Variants in NAV3 observed in about 807,000 individuals in gnomAD.
NAV3 encodes neuron navigator 3, also known as pore membrane and/or filament interacting like protein 1.
Under a neutral mutation model 244.7 loss-of-function variants are expected in NAV3, and 87 were observed. The ratio of observed to expected loss-of-function variants is 0.36; its 90% CI spans 0.30 to 0.42. The LOEUF (loss-of-function observed/expected upper bound fraction) is 0.42. Among genes scored for constraint, NAV3 ranks in the 20% least tolerant of loss-of-function variants. NAV3 has a pLI of 1.00. For synonymous variants in NAV3, 1,126 were observed against 1,042.2 expected (o/e 1.08, Z -1.55); for missense variants, 2,663 against 2,893.3 (o/e 0.92, Z 1.83).
chr12:78,174,119 A>G (rs1050825106), intron 24 of NAV3, among the ~76,000 whole-genome samples: 9 of 151,760 alleles, frequency 5.9e-5, no homozygotes, highest in African/African-American at 2.2e-4. Context: ...CTTGATGCCA[A>G]TAAGTATATT....
chr12:77,640,676 A>T (rs1027873663), intron 2 of NAV3, among the ~76,000 whole-genome samples: 1 of 152,164 alleles, frequency 6.6e-6, no homozygotes, highest in Non-Finnish European at 1.5e-5. Context: ...AAATTTGCTG[A>T]GAAAGTAGAT....
intron 2 of NAV3, among the ~76,000 whole-genome samples, chr12:77,661,942 A>G (rs922303449): frequency 2.0e-5 from 3 of 152,090 alleles, no homozygotes; most frequent in Non-Finnish European, 2.9e-5. Flanking sequence ...AAAATTGCAC[A>G]TTGTTACTTG....
At chr12:77,986,179 T>C (rs565715525) in intron 5 of NAV3, among the ~76,000 whole-genome samples, 39 of 152,226 alleles carry the variant, frequency 2.6e-4, no homozygotes, top group African/African-American at 9.1e-4. Flanking sequence ...CTAGCCAACA[T>C]GGTAAAACCC....
chr12:78,163,080 A>G (rs1410696202), intron 23 of NAV3, among the ~76,000 whole-genome samples: 1 of 151,014 alleles, frequency 6.6e-6, no homozygotes, highest in African/African-American at 2.4e-5. Flanking sequence ...CAAAGTAACA[A>G]AGGCCAAGGT....
intron 1 of NAV3, among the ~76,000 whole-genome samples, chr12:77,845,704 A>T (rs945296843): frequency 1.5e-5 from 2 of 136,892 alleles, no homozygotes; most frequent in Non-Finnish European, 3.0e-5. Context: ...CCCAGACTGG[A>T]GTGCAATGTC....
chr12:78,030,996 G>T (rs114857760), intron 9 of NAV3, among the ~76,000 whole-genome samples: 1 of 152,236 alleles, frequency 6.6e-6, no homozygotes, highest in African/African-American at 2.4e-5. Flanking sequence ...CAACACTATT[G>T]TTATTGTTGA....
intron 1 of NAV3, among the ~76,000 whole-genome samples, chr12:77,846,075 G>T (rs983534235): frequency 6.6e-6 from 1 of 152,198 alleles, no homozygotes; most frequent in Non-Finnish European, 1.5e-5. Flanking sequence ...GATGAACGAA[G>T]ATTGGAGAGG....
At chr12:77,714,034 A>T (rs1876244696) in intron 2 of NAV3, among the ~76,000 whole-genome samples, 1 of 152,070 alleles carries the variant, frequency 6.6e-6, no homozygotes, top group Admixed American at 6.6e-5. Context: ...TTTTTTGCAG[A>T]TCTATATATT....
intron 2 of NAV3, among the ~76,000 whole-genome samples, chr12:77,704,704 G>C (rs1270755007): frequency 6.6e-6 from 1 of 151,944 alleles, no homozygotes; most frequent in Non-Finnish European, 1.5e-5. Flanking sequence ...TAAGAGACTG[G>C]GCATTAGTAA....
At chr12:78,067,942 G>A (rs1885216892) in intron 12 of NAV3, among the ~76,000 whole-genome samples, 1 of 151,744 alleles carries the variant, frequency 6.6e-6, no homozygotes, top group Non-Finnish European at 1.5e-5. Context: ...TAAACATATT[G>A]AGAAGAAGAA....
intron 2 of NAV3, among the ~76,000 whole-genome samples, chr12:77,601,821 G>A (rs1870446344): frequency 6.6e-6 from 1 of 151,976 alleles, no homozygotes; most frequent in South Asian, 2.1e-4. Context: ...TAGGGCTTAA[G>A]CAGTATCCAT....
At chr12:78,055,353 A>G (rs1883336350) in intron 11 of NAV3, among the ~76,000 whole-genome samples, 1 of 152,166 alleles carries the variant, frequency 6.6e-6, no homozygotes, top group African/African-American at 2.4e-5. Context: ...TGCATATAAT[A>G]ATATATGTTA....
chr12:77,595,029 A>G (rs559085884), intron 2 of NAV3, among the ~76,000 whole-genome samples: 3 of 152,206 alleles, frequency 2.0e-5, no homozygotes, highest in Non-Finnish European at 4.4e-5. Context: ...TAGAATTATC[A>G]TATGATCTAG....
intron 1 of NAV3, among the ~76,000 whole-genome samples, chr12:77,931,820 T>A (rs1888830446): frequency 6.6e-6 from 1 of 151,984 alleles, no homozygotes; most frequent in Non-Finnish European, 1.5e-5. Flanking sequence ...TGAGCCGAGA[T>A]CGCGCCACTG....
chr12:77,654,429 C>G (rs1872982458), intron 2 of NAV3, among the ~76,000 whole-genome samples: 2 of 152,176 alleles, frequency 1.3e-5, no homozygotes, highest in African/African-American at 4.8e-5. Context: ...CCCAGGCTCT[C>G]TTAGGTAAAC....
chr12:77,597,712 G>A (rs1870235126), intron 2 of NAV3, among the ~76,000 whole-genome samples: 1 of 151,980 alleles, frequency 6.6e-6, no homozygotes, highest in Admixed American at 6.6e-5. Context: ...TCTAGTATAT[G>A]CAAACAATTG....
intron 12 of NAV3, among the ~76,000 whole-genome samples, chr12:78,083,202 C>T (rs1357683127): frequency 6.6e-6 from 1 of 152,174 alleles, no homozygotes; most frequent in African/African-American, 2.4e-5. Context: ...GAGAGCCAAA[C>T]TGGCTTTTAT....
At chr12:77,929,415 CT>C (rs1429348677) in intron 1 of NAV3, among the ~76,000 whole-genome samples, 2 of 152,102 alleles carry the variant, frequency 1.3e-5, no homozygotes, top group Non-Finnish European at 2.9e-5. Context: ...ATAAGCCAGT[CT>C]TTATTGAGTG....
chr12:78,082,628 G>A (rs1203209113), intron 12 of NAV3, among the ~76,000 whole-genome samples: 3 of 152,182 alleles, frequency 2.0e-5, no homozygotes, highest in African/African-American at 7.2e-5. Flanking sequence ...AATTGAAAAG[G>A]TATGTTTTGA....
Sources: allele counts gnomAD v4.1 joint callset (sites outside exome capture counted in the v4.1 genomes callset), GRCh38; gene constraint gnomAD v4.1.1; transcripts MANE v1.5; gene names NCBI Gene and HGNC (gene_info 2026-07-23, HGNC 2026-07-21).